Variants in CNTN4 observed in about 807,000 individuals in gnomAD.
CNTN4 encodes contactin 4.
In CNTN4, 77 loss-of-function variants were observed where a neutral mutation model predicts 122.5. The observed-to-expected ratio is 0.63, with a 90% CI of 0.52 to 0.76. The LOEUF (loss-of-function observed/expected upper bound fraction) is 0.76, where lower values mean the gene tolerates loss of function less well. Among genes scored for constraint, CNTN4 ranks in the 30% least tolerant of loss-of-function variants. CNTN4 has a pLI of 0.00. For missense variants in CNTN4, 1,256 were observed against 1,259.1 expected (o/e 1.00, Z 0.04); for synonymous variants, 512 against 447.0 (o/e 1.15, Z -1.83).
chr3:2,854,862 A>G (rs1428399570), intron 7 of CNTN4, among the ~76,000 whole-genome samples: 1 of 152,186 alleles, frequency 6.6e-6, no homozygotes, highest in Non-Finnish European at 1.5e-5. Context: ...CTGAGAATCC[A>G]TTTTAGTTCC....
chr3:2,705,585 A>G (rs1559408365), intron 4 of CNTN4, among the ~76,000 whole-genome samples: 1 of 75,662 alleles, frequency 1.3e-5, no homozygotes, highest in Non-Finnish European at 2.1e-5. Flanking sequence ...TTATTTATAT[A>G]TATAAAATTT....
chr3:2,992,697 A>G (rs1695160532), intron 14 of CNTN4, among the ~76,000 whole-genome samples: 1 of 152,214 alleles, frequency 6.6e-6, no homozygotes, highest in Non-Finnish European at 1.5e-5. Flanking sequence ...CCTATTGATT[A>G]TCTCCAGGAC....
At chr3:2,275,037 C>T (rs928904690) in intron 2 of CNTN4, among the ~76,000 whole-genome samples, 3 of 152,184 alleles carry the variant, frequency 2.0e-5, no homozygotes, top group Non-Finnish European at 4.4e-5. Context: ...TTATTATTCA[C>T]TCCATAGAAA....
chr3:2,403,124 C>T (rs560325395), intron 3 of CNTN4, among the ~76,000 whole-genome samples: 8 of 152,104 alleles, frequency 5.3e-5, no homozygotes, highest in South Asian at 4.1e-4. Context: ...TGTATCACGC[C>T]GAGCTCTGCT....
At chr3:2,593,550 A>G (rs2080607098) in intron 4 of CNTN4, among the ~76,000 whole-genome samples, 1 of 152,204 alleles carries the variant, frequency 6.6e-6, no homozygotes, top group South Asian at 2.1e-4. Flanking sequence ...TGTAATGACA[A>G]CTATTTGTTT....
At chr3:2,524,457 G>A (rs891295614) in intron 3 of CNTN4, among the ~76,000 whole-genome samples, 3 of 152,012 alleles carry the variant, frequency 2.0e-5, no homozygotes, top group Admixed American at 1.3e-4. Flanking sequence ...ATCTGGAATC[G>A]TTTTTGTGTG....
chr3:2,130,499 A>G (rs1410229827), intron 2 of CNTN4, among the ~76,000 whole-genome samples: 1 of 152,246 alleles, frequency 6.6e-6, no homozygotes, highest in African/African-American at 2.4e-5. Context: ...TTAAAAAGCC[A>G]GAAGATGCAG....
intron 2 of CNTN4, among the ~76,000 whole-genome samples, chr3:2,208,257 A>G (rs1015218157): frequency 3.3e-5 from 5 of 152,136 alleles, no homozygotes; most frequent in African/African-American, 9.7e-5. Context: ...AAACAGCAAC[A>G]TTACCAGAAG....
chr3:2,916,471 T>C (rs1343609684), intron 12 of CNTN4, among the ~76,000 whole-genome samples: 3 of 149,642 alleles, frequency 2.0e-5, no homozygotes, highest in Non-Finnish European at 3.0e-5. Context: ...TTAATCCATT[T>C]AACCCTGAGT....
At chr3:2,600,755 A>G (rs959491587) in intron 4 of CNTN4, among the ~76,000 whole-genome samples, 1 of 152,214 alleles carries the variant, frequency 6.6e-6, no homozygotes, top group Non-Finnish European at 1.5e-5. Flanking sequence ...TTCTAGTTCT[A>G]GATCCTTGAG....
chr3:2,637,789 A>T (rs1245856789), intron 4 of CNTN4, among the ~76,000 whole-genome samples: 1 of 152,108 alleles, frequency 6.6e-6, no homozygotes, highest in African/African-American at 2.4e-5. Context: ...GTCATCTAAT[A>T]CTCATGCCTA....
At chr3:2,388,760 G>C (rs911017586) in intron 3 of CNTN4, among the ~76,000 whole-genome samples, 2 of 150,256 alleles carry the variant, frequency 1.3e-5, no homozygotes, top group Non-Finnish European at 3.0e-5. Context: ...CAGGAGAATC[G>C]CTTCAACCTG....
chr3:2,778,163 GA>G (rs1468846854), intron 6 of CNTN4, among the ~76,000 whole-genome samples: 4 of 140,724 alleles, frequency 2.8e-5, no homozygotes, highest in Admixed American at 2.8e-4. Context: ...GTGGTGAGCC[GA>G]GATCGCGCCA....
At position 2,227,683 on chromosome 3, in the gene CNTN4, G is replaced by T. The variant is rs188866750; in HGVS notation, c.-144-111495G>T. Among the ~76,000 whole-genome samples, 407 of 152,220 alleles carry T rather than the reference G, an allele frequency of 2.7e-3. 1 individual carries two copies. Among genetic ancestry groups the T allele is most frequent in the Non-Finnish European group, 4.6e-3 (310 of 67,964 alleles). On this transcript the variant is annotated intron_variant, in intron 2 of 24. Transcript: ENST00000418658. ...GGCCAGCATGATTAAGATTTTATTT[G>T]TAGTGTAATTCCATTATAATTAACA...
intron 3 of CNTN4, among the ~76,000 whole-genome samples, chr3:2,470,172 G>T (rs1305395254): frequency 3.3e-5 from 5 of 151,994 alleles, no homozygotes; most frequent in African/African-American, 1.2e-4. Context: ...TTCAAGCGAG[G>T]TTCAAGCAAT....
chr3:2,355,935 G>T (rs915916842), intron 3 of CNTN4, among the ~76,000 whole-genome samples: 4 of 152,182 alleles, frequency 2.6e-5, no homozygotes, highest in Non-Finnish European at 2.9e-5. Flanking sequence ...TCCCTGGTTA[G>T]TATATAACAA....
In CNTN4 at chr3:2,397,300, C is replaced by T. The variant is rs567667316; in HGVS notation, c.-89+58067C>T. ...TATTCTTTGAAGCAAGAACTAAAAACGTATTAATTTTTTGTTTGTTTGTTT... is the reference window on the plus strand; with the variant it reads ...TATTCTTTGAAGCAAGAACTAAAAATGTATTAATTTTTTGTTTGTTTGTTT... On this transcript the variant is annotated intron_variant, in intron 3 of 24. Coordinates refer to ENST00000418658, the MANE Select transcript of CNTN4 (RefSeq NM_175607.3). Among the ~76,000 whole-genome samples, 3 of 151,878 alleles carry T rather than the reference C, an allele frequency of 2.0e-5. No homozygotes were observed. The East Asian group carries it at 5.8e-4, about 29-fold the overall frequency.
intron 4 of CNTN4, among the ~76,000 whole-genome samples, chr3:2,578,442 G>A (rs2079792770): frequency 6.6e-6 from 1 of 152,184 alleles, no homozygotes. Flanking sequence ...GCACACAGTA[G>A]TTCATTTCAA....
At chr3:2,777,822 T>C (rs1469685021) in intron 6 of CNTN4, among the ~76,000 whole-genome samples, 1 of 152,238 alleles carries the variant, frequency 6.6e-6, no homozygotes, top group Non-Finnish European at 1.5e-5. Context: ...TGAAAGTTTT[T>C]AAAAGATATA....
Sources: allele counts gnomAD v4.1 joint callset (sites outside exome capture counted in the v4.1 genomes callset), GRCh38; gene constraint gnomAD v4.1.1; transcripts MANE v1.5; gene names NCBI Gene and HGNC (gene_info 2026-07-23, HGNC 2026-07-21).